The following NLRP1 variants were observed in gnomAD, a reference collection of about 807,000 sequenced individuals.
NLRP1 encodes NACHT, LRR and PYD domains-containing protein 1.
NLRP1 carries 94 observed loss-of-function variants against 136.7 expected under a neutral mutation model. The observed-to-expected ratio is 0.69, with a 90% CI of 0.58 to 0.82. NLRP1 has a LOEUF of 0.82. Ranked by LOEUF, NLRP1 falls within the 40% of genes least tolerant of loss-of-function variation. The pLI, the probability that NLRP1 is intolerant of heterozygous loss-of-function variation, is 0.00. For synonymous variants in NLRP1, 690 were observed against 725.1 expected, an observed-to-expected ratio of 0.95 and a Z score of 0.78; for missense variants, 1,575 against 1,802.7, an observed-to-expected ratio of 0.87 and a Z score of 2.29.
intron 3 of NLRP1, among the ~76,000 whole-genome samples, chr17:5,580,251 A>G (rs1905476814): frequency 6.6e-6 from 1 of 152,048 alleles, no homozygotes; most frequent in Admixed American, 6.6e-5. Flanking sequence ...AAACACAACA[A>G]AAAACAAAAA....
intron 15 of NLRP1, among the ~76,000 whole-genome samples, chr17:5,507,871 C>G (rs1293259327): frequency 6.6e-6 from 1 of 152,078 alleles, no homozygotes; most frequent in Non-Finnish European, 1.5e-5. Context: ...CGCAGTGGCT[C>G]ACACCTGTAA....
chr17:5,574,872 G>C (rs1274644047), intron 3 of NLRP1, among the ~76,000 whole-genome samples: 1 of 151,934 alleles, frequency 6.6e-6, no homozygotes, highest in Non-Finnish European at 1.5e-5. Context: ...CACCATGTTA[G>C]CCAGGACGGT....
intron 8 of NLRP1, among the ~76,000 whole-genome samples, chr17:5,535,907 AGGGGTGTGTGT>A (rs1910986135): frequency 1.3e-5 from 2 of 152,074 alleles, no homozygotes; most frequent in African/African-American, 4.8e-5. Flanking sequence ...CCCTCAAGTC[AGGGGTGTGTGT>A]GGTGGTGGTG....
chr17:5,519,004 A>G (rs1035018081), intron 14 of NLRP1, among the ~76,000 whole-genome samples: 19 of 148,350 alleles, frequency 1.3e-4, no homozygotes, highest in African/African-American at 4.8e-4. Flanking sequence ...ACTCCCGGCT[A>G]ATTTTTTTTT....
chr17:5,512,793 GA>G (rs1365661215), downstream of NLRP1, among the ~76,000 whole-genome samples: 2 of 152,196 alleles, frequency 1.3e-5, no homozygotes, highest in Non-Finnish European at 2.9e-5. Context: ...GGTCCTACAG[GA>G]GGGTGAAAAT....
chr17:5,532,023 G>A (rs1367997118), intron 11 of NLRP1, among the ~76,000 whole-genome samples: 2 of 152,176 alleles, frequency 1.3e-5, no homozygotes, highest in East Asian at 1.9e-4. Context: ...AAGGTGGATC[G>A]TCTGAGGTCA....
Position 5,582,691 on chromosome 17 carries a change from T to C in NLRP1, c.427A>G (p.Thr143Ala). ...ERRVLRQLPD[T>A]SGRRWREISA... ...TCACCTCTCCAGCGGCGTCCAGATG[T>C]GTCAGGCAGCTGTCTCAAAACCCTT... is the stretch of plus-strand genomic sequence containing the variant. The change falls in exon 2 of 17, where the codon ACA (threonine) becomes GCA (alanine). Residue 143 changes from threonine (T) to alanine (A), a missense_variant. Physicochemically the swap from Thr to Ala is moderately conservative, Grantham distance 58. Transcript: ENST00000572272. 1 of 1,614,124 alleles carries C rather than the reference T, an allele frequency of 6.2e-7. No homozygotes were observed. Among genetic ancestry groups the C allele is most frequent in the Non-Finnish European group, 8.5e-7 (1 of 1,180,000 alleles).
intron 3 of NLRP1, among the ~76,000 whole-genome samples, chr17:5,575,210 A>C (rs1359854730): frequency 6.6e-6 from 1 of 152,260 alleles, no homozygotes; most frequent in Non-Finnish European, 1.5e-5. Flanking sequence ...AAGAAACTGC[A>C]TCAACTCATG....
Position 5,545,465 on chromosome 17 carries a change from GACAC to G in NLRP1, c.2529-3442_2529-3439del, listed in dbSNP as rs577109194. On this transcript the variant is annotated intron_variant, in intron 5 of 16. Transcript: ENST00000572272. ...ACTTTGACACACAGACACACATACA[GACAC>G]ACACACAGACACACACACACAGACA... Among the ~76,000 whole-genome samples the G allele has an allele frequency of 1.3e-4, 16 of 125,540 alleles. No homozygotes were observed. In the South Asian group the frequency reaches 1.8e-3, roughly 14 times the overall value. 82.4% of individuals were successfully genotyped at this position (125,540 alleles called of 152,430 possible). A position where few individuals can be genotyped will look rare whatever the true frequency, so the allele number is the denominator to read the frequency against.
chr17:5,542,499 G>A (rs924119193), intron 5 of NLRP1, among the ~76,000 whole-genome samples: 2 of 152,158 alleles, frequency 1.3e-5, no homozygotes, highest in East Asian at 1.9e-4. Flanking sequence ...CTCCACTTGC[G>A]TCAGGTCTTT....
chr17:5,573,428 C>T (rs571782773), intron 3 of NLRP1, among the ~76,000 whole-genome samples: 2 of 152,310 alleles, frequency 1.3e-5, no homozygotes, highest in South Asian at 4.1e-4. Flanking sequence ...GAAACCTCTG[C>T]AGACTTAAAT....
In NLRP1 at chr17:5,584,362, G is replaced by C. The variant is rs77645861; in HGVS notation, c.-405C>G. On this transcript the variant is annotated 5_prime_UTR_variant, in exon 1 of 17. Coordinates refer to ENST00000572272, the MANE Select transcript of NLRP1 (RefSeq NM_033004.4). ...CCTGAGATCAACCCTTGAGCTGCAA[G>C]GCTGAGAAGAGGTGGGGTGGGAGGA... 6,045 of 199,542 alleles carry C rather than the reference G, an allele frequency of 0.03. 363 individuals are homozygous for C. The highest frequency in any genetic ancestry group is 0.13 in the African/African-American group (5,386 of 42,818). The allele number at this position is 199,542 out of a possible 1,614,324, so 12.4% of individuals were successfully genotyped here. A position where few individuals can be genotyped will look rare whatever the true frequency, so the allele number is the denominator to read the frequency against.
chr17:5,549,035 G>T (rs190278690), intron 5 of NLRP1, among the ~76,000 whole-genome samples: 1 of 152,234 alleles, frequency 6.6e-6, no homozygotes, highest in East Asian at 1.9e-4. Flanking sequence ...ATCAGTTTGG[G>T]GGGTATTGTC....
intron 3 of NLRP1, among the ~76,000 whole-genome samples, chr17:5,577,915 T>C (rs920903552): frequency 2.6e-5 from 4 of 152,138 alleles, no homozygotes; most frequent in African/African-American, 4.8e-5. Flanking sequence ...AACAGAGATA[T>C]AGACCAATGG....
At chr17:5,531,342 A>AG (rs1213745801) in intron 11 of NLRP1, among the ~76,000 whole-genome samples, 1 of 152,124 alleles carries the variant, frequency 6.6e-6, no homozygotes, top group East Asian at 1.9e-4. Context: ...CAGCTCCCTG[A>AG]GTAGCTAGGA....
chr17:5,515,330 G>A (rs931317577), intron 16 of NLRP1, 143 bp downstream of exon 16: 3 of 782,598 alleles, frequency 3.8e-6, no homozygotes, highest in Middle Eastern at 3.3e-4. Context: ...TATGGGGAGC[G>A]ACCATGCACC....
chr17:5,511,777 CTTCT>C (rs764539401), downstream of NLRP1, among the ~76,000 whole-genome samples: 71 of 144,980 alleles, frequency 4.9e-4, no homozygotes, highest in Middle Eastern at 6.9e-3. Flanking sequence ...CTTTCTCTTT[CTTCT>C]TTCTTTCTCT....
chr17:5,532,841 T>C lies in NLRP1; in HGVS notation c.3277A>G (p.Lys1093Glu), dbSNP rs1165447064. ...TGPVATEVVD[K>E]EKNLYRVHFP... ...ACTCACCGGTACAAGTTCTTTTCTTTGTCAACTACCTCAGTAGCCACAGGC... is the reference window on the plus strand; with the variant it reads ...ACTCACCGGTACAAGTTCTTTTCTTCGTCAACTACCTCAGTAGCCACAGGC... Residue 1093 changes from lysine (K) to glutamate (E), a missense_variant, in exon 11 of 17, where the codon AAA becomes GAA. By Grantham distance (56) the Lys-to-Glu change is moderately conservative. Coordinates refer to ENST00000572272, the MANE Select transcript of NLRP1 (RefSeq NM_033004.4). 2.5e-6 allele frequency: 4 copies of C among 1,605,598 alleles called. No individual in the cohort carries two copies. Among genetic ancestry groups the C allele is most frequent in the Non-Finnish European group, 3.4e-6 (4 of 1,177,052 alleles).
chr17:5,574,053 C>T (rs1904734952), intron 3 of NLRP1, among the ~76,000 whole-genome samples: 2 of 152,094 alleles, frequency 1.3e-5, no homozygotes, highest in African/African-American at 2.4e-5. Context: ...AAGCTAAAAA[C>T]CTTGAAAAAA....
Sources: allele counts gnomAD v4.1 joint callset (sites outside exome capture counted in the v4.1 genomes callset), GRCh38; gene constraint gnomAD v4.1.1; transcripts MANE v1.5; gene names NCBI Gene and HGNC (gene_info 2026-07-23, HGNC 2026-07-21).